The following ARHGAP6 variants were observed in gnomAD, a reference collection of about 807,000 sequenced individuals.
ARHGAP6 encodes the protein Rho GTPase activating protein 6.
Under a neutral mutation model 55.7 loss-of-function variants are expected in ARHGAP6, and 16 were observed. The ratio of observed to expected loss-of-function variants is 0.29; its 90% CI spans 0.19 to 0.44. ARHGAP6 has a LOEUF of 0.44. Among genes scored for constraint, ARHGAP6 ranks in the 20% least tolerant of loss-of-function variants. The pLI, the probability that ARHGAP6 is intolerant of heterozygous loss-of-function variation, is 1.00. For missense variants in ARHGAP6, 698 were observed against 808.9 expected (o/e 0.86, Z 1.66); for synonymous variants, 382 against 360.9 (o/e 1.06, Z -0.66).
chrX:11,139,665 C>T (rs947960660), intron 12 of ARHGAP6, 135 bp from the exon 13 acceptor site: 4 of 631,164 alleles, frequency 6.3e-6, no homozygotes, highest in Admixed American at 5.1e-5. Flanking sequence ...ACAGTATGCT[C>T]TTAGCTGCTG....
intron 1 of ARHGAP6, among the ~76,000 whole-genome samples, chrX:11,475,183 T>C (rs1050647113): frequency 8.9e-6 from 1 of 111,893 alleles, no homozygotes; most frequent in Non-Finnish European, 1.9e-5. Context: ...TATGATCATT[T>C]AATCAATCCA....
intron 1 of ARHGAP6, among the ~76,000 whole-genome samples, chrX:11,490,519 G>A (rs2050556948): frequency 8.9e-6 from 1 of 112,049 alleles, no homozygotes; most frequent in African/African-American, 3.2e-5. Flanking sequence ...GTTAAGCTGT[G>A]CTTGGACTCC....
intron 8 of ARHGAP6, among the ~76,000 whole-genome samples, chrX:11,172,122 ACTCTCATC>A (rs965869725): frequency 9.1e-6 from 1 of 109,427 alleles, no homozygotes; most frequent in African/African-American, 3.3e-5. Flanking sequence ...TCTGAACCCC[ACTCTCATC>A]CTGTGGCGTC....
intron 1 of ARHGAP6, among the ~76,000 whole-genome samples, chrX:11,306,447 TA>T (rs1398120156): frequency 8.9e-6 from 1 of 112,807 alleles, no homozygotes; most frequent in Admixed American, 9.3e-5. Context: ...TGCTGTCATA[TA>T]AAAGTAATGA....
chrX:11,537,461 G>T (rs1212785934), intron 1 of ARHGAP6, among the ~76,000 whole-genome samples: 1 of 112,189 alleles, frequency 8.9e-6, no homozygotes, highest in East Asian at 2.8e-4. Flanking sequence ...TTTGAAACAA[G>T]AACTCAGAAA....
In ARHGAP6 at chrX:11,436,868, A is replaced by C. The variant is rs185824023; in HGVS notation, c.589-182161T>G. Among the ~76,000 whole-genome samples, 169 of 89,839 alleles carry C rather than the reference A, an allele frequency of 1.9e-3. 1 individual carries two copies. The highest frequency in any genetic ancestry group is 3.0e-3 in the Non-Finnish European group (139 of 46,583). The allele number at this position is 89,839 out of a possible 115,157, so 78.0% of individuals were successfully genotyped here. On this transcript the variant is annotated intron_variant, in intron 1 of 12. Transcript: ENST00000337414. ...TAGATGTCGGGTTGCCTAGGACTGC[A>C]GAGCTTGGGGGTTGAGGAGTTGAGG...
chrX:11,211,582 C>T (rs1282014299), intron 2 of ARHGAP6, among the ~76,000 whole-genome samples: 2 of 108,583 alleles, frequency 1.8e-5, no homozygotes, highest in African/African-American at 6.8e-5. Context: ...CTCTCTCTGT[C>T]GCCCAGGCTG....
At chrX:11,515,210 T>A (rs953139859) in intron 1 of ARHGAP6, among the ~76,000 whole-genome samples, 1 of 112,255 alleles carries the variant, frequency 8.9e-6, no homozygotes, top group Non-Finnish European at 1.9e-5. Flanking sequence ...AGTTCTAGTA[T>A]AATTTCCTTA....
chrX:11,632,138 T>C (rs1325952378), intron 1 of ARHGAP6, among the ~76,000 whole-genome samples: 1 of 112,542 alleles, frequency 8.9e-6, no homozygotes, highest in Admixed American at 9.4e-5. Context: ...AGAACTATTG[T>C]TAAGCTACTC....
chrX:11,386,470 G>C (rs769462875), intron 1 of ARHGAP6, among the ~76,000 whole-genome samples: 1 of 111,492 alleles, frequency 9.0e-6, no homozygotes, highest in Admixed American at 9.5e-5. Flanking sequence ...TTGTGGGAAG[G>C]GGAGAGGTGA....
At chrX:11,561,279 C>T (rs765952714) in intron 1 of ARHGAP6, among the ~76,000 whole-genome samples, 1 of 111,838 alleles carries the variant, frequency 8.9e-6, no homozygotes, top group South Asian at 3.7e-4. Flanking sequence ...CCCTTAAAAA[C>T]AAAAGCTAAA....
chrX:11,516,123 C>G (rs1431429086), intron 1 of ARHGAP6, among the ~76,000 whole-genome samples: 2 of 112,683 alleles, frequency 1.8e-5, no homozygotes, highest in Non-Finnish European at 3.7e-5. Context: ...CGATTGAGCA[C>G]TTATTATATC....
At chrX:11,270,451 C>T (rs1161579336) in intron 1 of ARHGAP6, among the ~76,000 whole-genome samples, 1 of 111,407 alleles carries the variant, frequency 9.0e-6, no homozygotes, top group Non-Finnish European at 1.9e-5. Context: ...AAAAGAAAGC[C>T]AATAGATGGG....
chrX:11,194,638 A>G (rs2046505958), intron 3 of ARHGAP6, among the ~76,000 whole-genome samples: 1 of 112,309 alleles, frequency 8.9e-6, no homozygotes, highest in African/African-American at 3.2e-5. Flanking sequence ...GCTGCTAAAC[A>G]TCTCACAATA....
chrX:11,345,167 G>A (rs759071503), intron 1 of ARHGAP6, among the ~76,000 whole-genome samples: 3 of 111,758 alleles, frequency 2.7e-5, no homozygotes, highest in Non-Finnish European at 3.8e-5. Context: ...TTCAGTCTTC[G>A]ATGGGCAGAA....
At chrX:11,572,019 C>T (rs1225030420) in intron 1 of ARHGAP6, among the ~76,000 whole-genome samples, 1 of 111,113 alleles carries the variant, frequency 9.0e-6, no homozygotes, top group African/African-American at 3.3e-5. Context: ...TGAGATAGAC[C>T]TGCTGTCAAC....
intron 1 of ARHGAP6, among the ~76,000 whole-genome samples, chrX:11,313,715 A>C (rs1213109507): frequency 8.9e-6 from 1 of 112,393 alleles, no homozygotes; most frequent in African/African-American, 3.2e-5. Flanking sequence ...CTTCACAATT[A>C]GAAAGATTGT....
chrX:11,147,453 A>G (rs1042575620), intron 10 of ARHGAP6, among the ~76,000 whole-genome samples: 7 of 112,578 alleles, frequency 6.2e-5, no homozygotes, highest in African/African-American at 2.3e-4. Flanking sequence ...AAATTTCCAG[A>G]GACTTGGAAG....
intron 1 of ARHGAP6, among the ~76,000 whole-genome samples, chrX:11,505,154 C>A: frequency 9.1e-6 from 1 of 110,412 alleles, no homozygotes; most frequent in Non-Finnish European, 1.9e-5. Context: ...ACGCTTTCAC[C>A]TATGAGCTCC....
Sources: allele counts gnomAD v4.1 joint callset (sites outside exome capture counted in the v4.1 genomes callset), GRCh38; gene constraint gnomAD v4.1.1; transcripts MANE v1.5; gene names NCBI Gene and HGNC (gene_info 2026-07-23, HGNC 2026-07-21).